The following ROBO2 variants were observed in gnomAD, a reference collection of about 807,000 sequenced individuals.
The protein encoded by ROBO2 is roundabout homolog 2.
In ROBO2, 53 loss-of-function variants were observed where a neutral mutation model predicts 160.8. The observed-to-expected ratio is 0.33, with a 90% CI of 0.26 to 0.41. The LOEUF (loss-of-function observed/expected upper bound fraction) is 0.41, where lower values mean the gene tolerates loss of function less well. Ranked by LOEUF, ROBO2 falls within the 10% of genes least tolerant of loss-of-function variation. The pLI is 1.00. For synonymous variants in ROBO2, 664 were observed against 611.7 expected (o/e 1.09, Z -1.26); for missense variants, 1,577 against 1,722.4 (o/e 0.92, Z 1.49).
chr3:77,423,706 C>T (rs2077922848), intron 2 of ROBO2, among the ~76,000 whole-genome samples: 1 of 152,164 alleles, frequency 6.6e-6, no homozygotes, highest in Admixed American at 6.6e-5. Context: ...ACTACCACTA[C>T]TGATTATACA....
chr3:77,294,587 T>C (rs2061801157), intron 2 of ROBO2, among the ~76,000 whole-genome samples: 1 of 147,950 alleles, frequency 6.8e-6, no homozygotes, highest in African/African-American at 2.6e-5. Context: ...ACAGGTAAGC[T>C]GAGGCTAGAT....
At chr3:76,066,448 A>T (rs2068256972) in intron 2 of ROBO2, among the ~76,000 whole-genome samples, 1 of 152,090 alleles carries the variant, frequency 6.6e-6, no homozygotes, top group East Asian at 1.9e-4. Flanking sequence ...TATGAAACCA[A>T]ATATTTTTTA....
chr3:77,125,325 G>A (rs1410716846), intron 2 of ROBO2, among the ~76,000 whole-genome samples: 2 of 152,164 alleles, frequency 1.3e-5, no homozygotes, highest in African/African-American at 4.8e-5. Context: ...AGTGAAGGAA[G>A]AGATTTGCTT....
intron 2 of ROBO2, among the ~76,000 whole-genome samples, chr3:76,626,897 C>T (rs114602910): frequency 0.014 from 2,055 of 152,132 alleles, 46 homozygotes; most frequent in African/African-American, 0.047. Flanking sequence ...TCACCATTTT[C>T]GCCAGGATGG....
chr3:76,548,389 A>G (rs2083230101), intron 2 of ROBO2, among the ~76,000 whole-genome samples: 1 of 152,060 alleles, frequency 6.6e-6, no homozygotes, highest in Admixed American at 6.6e-5. Flanking sequence ...ATGAGGCTTG[A>G]GTGGGAGAGA....
At chr3:76,595,631 A>G (rs926808524) in intron 2 of ROBO2, among the ~76,000 whole-genome samples, 7 of 152,248 alleles carry the variant, frequency 4.6e-5, no homozygotes, top group African/African-American at 9.6e-5. Flanking sequence ...TGATATGCAT[A>G]TTAAGTGAAA....
intron 5 of ROBO2, among the ~76,000 whole-genome samples, chr3:77,501,199 C>A (rs79446971): frequency 0.018 from 2,697 of 152,136 alleles, 77 homozygotes; most frequent in African/African-American, 0.06. Flanking sequence ...CAGAGGCTTA[C>A]CAGAAGGTAG....
chr3:76,178,803 T>C (rs898608240), intron 2 of ROBO2, among the ~76,000 whole-genome samples: 2 of 152,032 alleles, frequency 1.3e-5, no homozygotes, highest in African/African-American at 4.8e-5. Context: ...TAGCTGGGCA[T>C]GGTGGTGCAT....
chr3:77,156,011 T>C (rs930524785), intron 2 of ROBO2, among the ~76,000 whole-genome samples: 1 of 151,996 alleles, frequency 6.6e-6, no homozygotes, highest in African/African-American at 2.4e-5. Context: ...TGCCACTCTT[T>C]CTAGAGAGCA....
chr3:76,365,901 A>G (rs915155991), intron 2 of ROBO2, among the ~76,000 whole-genome samples: 3 of 151,926 alleles, frequency 2.0e-5, no homozygotes, highest in African/African-American at 7.2e-5. Context: ...ACAAAATGTC[A>G]CTCTTCTGCT....
At chr3:77,540,620 G>A (rs2092418269) in intron 6 of ROBO2, among the ~76,000 whole-genome samples, 1 of 152,164 alleles carries the variant, frequency 6.6e-6, no homozygotes, top group Admixed American at 6.6e-5. Flanking sequence ...AAGAGCTAAC[G>A]CATGCTGCGG....
chr3:76,709,408 A>G (rs2093241428), intron 2 of ROBO2, among the ~76,000 whole-genome samples: 1 of 152,200 alleles, frequency 6.6e-6, no homozygotes, highest in Admixed American at 6.5e-5. Context: ...AAGGGTAGGG[A>G]TTTGTATCAG....
intron 2 of ROBO2, among the ~76,000 whole-genome samples, chr3:76,967,409 G>A (rs1204200702): frequency 1.3e-5 from 2 of 149,114 alleles, no homozygotes; most frequent in Non-Finnish European, 3.0e-5. Flanking sequence ...TTTCCGCCAT[G>A]TTGCCCAGGC....
At chr3:77,606,814 G>T (rs1444125357) in intron 20 of ROBO2, among the ~76,000 whole-genome samples, 1 of 152,176 alleles carries the variant, frequency 6.6e-6, no homozygotes, top group Non-Finnish European at 1.5e-5. Context: ...GAAGTCGAAA[G>T]AATCAGTAAG....
chr3:76,685,192 GTTTTT>G (rs57691150), intron 2 of ROBO2, among the ~76,000 whole-genome samples: 1 of 128,350 alleles, frequency 7.8e-6, no homozygotes, highest in African/African-American at 2.9e-5. Flanking sequence ...GGTTGGTTGT[GTTTTT>G]TTTTTTTTTT....
chr3:77,344,964 C>T (rs1351744074), intron 2 of ROBO2, among the ~76,000 whole-genome samples: 2 of 152,014 alleles, frequency 1.3e-5, no homozygotes, highest in African/African-American at 4.8e-5. Context: ...TTATCTACTT[C>T]AGCATGACAA....
intron 1 of ROBO2, among the ~76,000 whole-genome samples, chr3:75,924,676 C>CT (rs1198389699): frequency 1.3e-4 from 8 of 62,394 alleles, no homozygotes; most frequent in South Asian, 5.7e-4. Flanking sequence ...AATTTATTTT[C>CT]TTTTCTTTTT....
At chr3:76,226,949 G>A (rs1244830070) in intron 2 of ROBO2, among the ~76,000 whole-genome samples, 1 of 152,182 alleles carries the variant, frequency 6.6e-6, no homozygotes, top group Admixed American at 6.5e-5. Context: ...GCCTCACTGT[G>A]CATGTCAGCT....
At chr3:77,101,824 G>A (rs565759855) in intron 2 of ROBO2, among the ~76,000 whole-genome samples, 1 of 152,280 alleles carries the variant, frequency 6.6e-6, no homozygotes, top group East Asian at 1.9e-4. Context: ...TGGATCACTT[G>A]AGGCCAGGAG....
Sources: gnomAD v4.1 joint callset for allele counts (sites outside exome capture counted in the v4.1 genomes callset) on GRCh38, gnomAD v4.1.1 for gene constraint, MANE v1.5 for transcripts, NCBI Gene and HGNC (gene_info 2026-07-23, HGNC 2026-07-21) for gene names.